ZSCAN9: variants seen among roughly 807,000 people sequenced by gnomAD.
ZSCAN9 encodes zinc finger and SCAN domain containing 9, also known as zinc finger and SCAN domain-containing protein 9.
ZSCAN9 carries 19 observed loss-of-function variants against 23.0 expected under a neutral mutation model. The ratio of observed to expected loss-of-function variants is 0.83; its 90% CI spans 0.58 to 1.21. The LOEUF is 1.21. Ranked by LOEUF, ZSCAN9 falls within the 50% of genes most tolerant of loss-of-function variation. The pLI, the probability that ZSCAN9 is intolerant of heterozygous loss-of-function variation, is 0.00. For synonymous variants in ZSCAN9, 155 were observed against 164.8 expected (o/e 0.94, Z 0.46); for missense variants, 467 against 471.5 (o/e 0.99, Z 0.09).
In ZSCAN9 at chr6:28,225,329, C is replaced by G. The variant is rs888060113; in HGVS notation, c.-111C>G. ...TGCCGCGCTTCTAGCAACGCCGGGC[C>G]GGTAACCCCCTCTCCCTCCTTGCGC... is the stretch of plus-strand genomic sequence containing the variant. On this transcript the variant is annotated 5_prime_UTR_variant, in exon 1 of 4. Coordinates refer to ENST00000252207, the MANE Select transcript of ZSCAN9 (RefSeq NM_006299.5). 2.0e-4 allele frequency: 30 copies of G among 152,254 alleles called. No individual in the cohort carries two copies. The highest frequency in any genetic ancestry group is 6.7e-4 in the African/African-American group (28 of 41,532). 9.4% of individuals were successfully genotyped at this position (152,254 alleles called of 1,614,324 possible).
In ZSCAN9 at chr6:28,232,929, C is replaced by T. The variant is rs1057448444; in HGVS notation, c.936C>T (p.Cys312=). 1.9e-6 allele frequency: 3 copies of T among 1,614,046 alleles called. No individual in the cohort carries two copies. In the African/African-American group the frequency reaches 4.0e-5, roughly 22 times the overall value. The change falls in exon 4 of 4, where the codon TGC becomes TGT. Residue 312 remains cysteine, a synonymous_variant. Transcript: ENST00000252207. The part of the protein sequence containing the change: ...GIHNIQKRYH[C]KECGKVFSQS... ...ACAATATACAGAAACGGTACCACTGCAAGGAGTGTGGGAAGGTCTTCAGTC... is the reference window on the plus strand; with the variant it reads ...ACAATATACAGAAACGGTACCACTGTAAGGAGTGTGGGAAGGTCTTCAGTC...
chr6:28,226,954 G>C, intron 1 of ZSCAN9, 58 bp from the exon 2 acceptor site: 1 of 756,206 alleles, frequency 1.3e-6, no homozygotes, highest in Non-Finnish European at 2.1e-6. Flanking sequence ...TGTATTATCA[G>C]TTTCTGTCAT....
chr6:28,228,182 ATTACT>A (rs1290415463), intron 3 of ZSCAN9: 1 of 621,524 alleles, frequency 1.6e-6, no homozygotes, highest in Non-Finnish European at 2.8e-6. Context: ...TATTGGGCAG[ATTACT>A]TAACCACTTG....
chr6:28,225,387 G>C lies in ZSCAN9; in HGVS notation c.-74+21G>C, dbSNP rs569359211. 3.9e-5 allele frequency: 6 copies of C among 152,336 alleles called. 1 individual carries two copies. The South Asian group carries it at 1.0e-3, about 26-fold the overall frequency. 9.4% of individuals were successfully genotyped at this position (152,336 alleles called of 1,614,324 possible). A position where few individuals can be genotyped will look rare whatever the true frequency, so the allele number is the denominator to read the frequency against. Reference sequence around the variant, plus strand: ...GTCTCGTGAGTTGGCTGTGGGGACCGGGAATGGAGGCGGGTCAGGGAGGGT... The same window carrying C: ...GTCTCGTGAGTTGGCTGTGGGGACCCGGAATGGAGGCGGGTCAGGGAGGGT... On this transcript the variant is annotated intron_variant, in intron 1 of 3. Coordinates refer to ENST00000252207, the MANE Select transcript of ZSCAN9 (RefSeq NM_006299.5).
chr6:28,228,227 T>C (rs1426127363), intron 3 of ZSCAN9: 1 of 585,302 alleles, frequency 1.7e-6, no homozygotes, highest in Non-Finnish European at 3.0e-6. Flanking sequence ...CAAAATGGGG[T>C]TGATAATAGC....
In ZSCAN9 at chr6:28,233,322, A is replaced by G; in HGVS notation, c.*144A>G. On this transcript the variant is annotated 3_prime_UTR_variant, in exon 4 of 4. Coordinates refer to ENST00000252207, the MANE Select transcript of ZSCAN9 (RefSeq NM_006299.5). ...AAGGCCCAGGGACTTCCTTAAAGGA[A>G]AGTTGGGTGTTTGAAGCTACTGTTT... 7.0e-7 allele frequency: 1 copy of G among 1,425,000 alleles called. No homozygotes were observed. Among genetic ancestry groups the G allele is most frequent in the South Asian group, 1.5e-5 (1 of 65,294 alleles). 88.3% of individuals were successfully genotyped at this position (1,425,000 alleles called of 1,614,324 possible).
intron 1 of ZSCAN9, 156 bp from the exon 2 acceptor site, chr6:28,226,856 A>C (rs141385203): frequency 1.2e-5 from 5 of 421,286 alleles, no homozygotes; most frequent in Non-Finnish European, 2.1e-5. Flanking sequence ...CTCTTAGCAC[A>C]TTATGAATAT....
At chr6:28,232,537 T>A in intron 3 of ZSCAN9, 25 bp from the exon 4 acceptor site, 1 of 1,592,208 alleles carries the variant, frequency 6.3e-7, no homozygotes, top group Non-Finnish European at 8.6e-7. Flanking sequence ...AAGTGACATT[T>A]ACCTAGCCTT....
intron 3 of ZSCAN9, chr6:28,228,046 G>A: frequency 1.4e-6 from 1 of 715,416 alleles, no homozygotes; most frequent in East Asian, 2.7e-5. Context: ...GAAGCTTTCT[G>A]GACTTCTGAT....
intron 1 of ZSCAN9, among the ~76,000 whole-genome samples, chr6:28,225,767 T>G (rs1231230116): frequency 1.3e-5 from 2 of 152,248 alleles, no homozygotes; most frequent in Non-Finnish European, 2.9e-5. Context: ...AAGCGCAGAA[T>G]GTAGCAGTTC....
intron 3 of ZSCAN9, chr6:28,228,288 T>C (rs1228160042): frequency 2.0e-6 from 1 of 495,396 alleles, no homozygotes; most frequent in Non-Finnish European, 3.5e-6. Context: ...AGACTGGTTG[T>C]CTTTAACAGA....
chr6:28,231,375 C>G (rs1760296705), intron 3 of ZSCAN9, among the ~76,000 whole-genome samples: 1 of 152,180 alleles, frequency 6.6e-6, no homozygotes, highest in Admixed American at 6.5e-5. Flanking sequence ...AAAAGGAAGA[C>G]TCATGTCCTG....
At position 28,227,378 on chromosome 6, in the gene ZSCAN9, G is replaced by A; in HGVS notation, c.294G>A (p.Glu98=). ...KEQILDLLVL[E]QFLSILPKEL... ...AGATTTTGGATCTGCTGGTGCTGGA[G>A]CAGTTTCTATCCATTCTGCCCAAGG... Residue 98 remains glutamate, a synonymous_variant, in exon 2 of 4, where the codon GAG becomes GAA. Coordinates refer to ENST00000252207, the MANE Select transcript of ZSCAN9 (RefSeq NM_006299.5). The A allele has an allele frequency of 1.9e-6, 3 of 1,614,208 alleles. No homozygotes were observed. Among genetic ancestry groups the A allele is most frequent in the Non-Finnish European group, 2.5e-6 (3 of 1,180,038 alleles).
At position 28,233,195 on chromosome 6, in the gene ZSCAN9, A is replaced by G. The variant is rs1359031134; in HGVS notation, c.*17A>G. On this transcript the variant is annotated 3_prime_UTR_variant, in exon 4 of 4. Transcript: ENST00000252207. Reference sequence around the variant, plus strand: ...CTGGTCTAGGGCTTGGCTATGAGCAAGTTTTCCAGATCACCACCCAAGTTG... The same window carrying G: ...CTGGTCTAGGGCTTGGCTATGAGCAGGTTTTCCAGATCACCACCCAAGTTG... The G allele has an allele frequency of 3.1e-6, 5 of 1,600,892 alleles. No individual in the cohort carries two copies. Among genetic ancestry groups the G allele is most frequent in the African/African-American group, 2.7e-5 (2 of 74,510 alleles).
intron 3 of ZSCAN9, among the ~76,000 whole-genome samples, chr6:28,231,560 C>T (rs1443691184): frequency 1.3e-5 from 2 of 152,178 alleles, no homozygotes; most frequent in Non-Finnish European, 2.9e-5. Context: ...GCCTGGCCAG[C>T]ATGACGAAAT....
intron 3 of ZSCAN9, among the ~76,000 whole-genome samples, chr6:28,231,730 C>CAAA (rs57266614): frequency 3.1e-5 from 3 of 95,346 alleles, no homozygotes; most frequent in Admixed American, 1.1e-4. Flanking sequence ...GACTCCGTCT[C>CAAA]AAAAAAAAAA....
At chr6:28,230,705 T>C (rs1760275385) in intron 3 of ZSCAN9, among the ~76,000 whole-genome samples, 1 of 152,020 alleles carries the variant, frequency 6.6e-6, no homozygotes, top group African/African-American at 2.4e-5. Context: ...TAATAATAAA[T>C]ATAAAAGTAA....
chr6:28,229,543 G>C (rs1184136681), intron 3 of ZSCAN9, among the ~76,000 whole-genome samples: 1 of 152,176 alleles, frequency 6.6e-6, no homozygotes, highest in Non-Finnish European at 1.5e-5. Context: ...TAGGATATCA[G>C]CGCAGGTATG....
intron 3 of ZSCAN9, among the ~76,000 whole-genome samples, chr6:28,231,487 C>G (rs985436798): frequency 6.6e-6 from 1 of 152,184 alleles, no homozygotes; most frequent in Non-Finnish European, 1.5e-5. Flanking sequence ...TGGCTCACGC[C>G]TGTAATCCCA....
Sources: allele counts gnomAD v4.1 joint callset (sites outside exome capture counted in the v4.1 genomes callset), GRCh38; gene constraint gnomAD v4.1.1; transcripts MANE v1.5; gene names NCBI Gene and HGNC (gene_info 2026-07-23, HGNC 2026-07-21).